Variants in HNF4A observed in about 807,000 individuals in gnomAD.
HNF4A encodes the protein hepatocyte nuclear factor 4 alpha, also known as hepatocyte nuclear factor 4-alpha.
HNF4A carries 15 observed loss-of-function variants against 52.4 expected under a neutral mutation model. The observed-to-expected ratio is 0.29, with a 90% CI of 0.19 to 0.44. HNF4A has a LOEUF of 0.44. Ranked by LOEUF, HNF4A falls within the 20% of genes least tolerant of loss-of-function variation. The pLI is 1.00. For synonymous variants in HNF4A, 280 were observed against 264.4 expected, an observed-to-expected ratio of 1.06 and a Z score of -0.57; for missense variants, 479 against 647.2, an observed-to-expected ratio of 0.74 and a Z score of 2.82.
At chr20:44,363,257 T>C (rs1007440930) in intron 1 of HNF4A, among the ~76,000 whole-genome samples, 4 of 152,140 alleles carry the variant, frequency 2.6e-5, no homozygotes, top group African/African-American at 7.2e-5. Context: ...TCAATATTTG[T>C]AAAGTGCTGA....
In HNF4A at chr20:44,406,159, G is replaced by A; in HGVS notation, c.217G>A (p.Gly73Ser). 1.2e-6 allele frequency: 2 copies of A among 1,613,976 alleles called. No individual in the cohort carries two copies. Among genetic ancestry groups the A allele is most frequent in the East Asian group, 2.2e-5 (1 of 44,866 alleles). Residue 73 changes from glycine to serine, a missense_variant, in exon 2 of 10, where the codon GGT (glycine) becomes AGT (serine). By Grantham distance (56) the Gly-to-Ser change is moderately conservative (BLOSUM62 0). Around this residue, in one of 3 missense-constraint regions of HNF4A, gnomAD observed 90 missense variants for 105.5 expected, o/e 0.85. Coordinates refer to ENST00000316099, the MANE Select transcript of HNF4A (RefSeq NM_000457.6). ...GGACCGGGCCACGGGCAAACACTAC[G>A]GTGCCTCGAGCTGTGACGGCTGCAA...
rs2062849702 is a variant in HNF4A at position 44,355,738 on chromosome 20, G to A, written c.-67G>A. On this transcript the variant is annotated 5_prime_UTR_variant, in exon 1 of 10. The change creates a new upstream start codon in the 5' untranslated region. Coordinates refer to the HNF4A transcript ENST00000316673. ...CCTGGTGGACGGGCTCCTGGTGGCT[G>A]TGCTGCTGCTGTGAGCGGGCCCCTG... 6.9e-7 allele frequency: 1 copy of A among 1,448,216 alleles called. No individual in the cohort carries two copies. The highest frequency in any genetic ancestry group is 1.1e-5 in the South Asian group (1 of 87,618). 89.7% of individuals were successfully genotyped at this position (1,448,216 alleles called of 1,614,324 possible).
At chr20:44,387,617 C>T (rs1344019351) in intron 1 of HNF4A, among the ~76,000 whole-genome samples, 2 of 130,880 alleles carry the variant, frequency 1.5e-5, no homozygotes, top group African/African-American at 5.8e-5. Context: ...GGTAGGGAAG[C>T]CACAGGAGAA....
intron 1 of HNF4A, among the ~76,000 whole-genome samples, chr20:44,365,872 T>A (rs1285518609): frequency 6.6e-6 from 1 of 152,066 alleles, no homozygotes; most frequent in Non-Finnish European, 1.5e-5. Context: ...CTGGGCCTGG[T>A]GGTACACGCC....
intron 5 of HNF4A, among the ~76,000 whole-genome samples, chr20:44,416,555 A>G (rs1044975265): frequency 6.6e-6 from 1 of 152,150 alleles, no homozygotes; most frequent in South Asian, 2.1e-4. Context: ...CTCCCTCCAT[A>G]CTGGTCATGG....
Position 44,376,190 on chromosome 20 carries a change from G to A in HNF4A, c.49+20337G>A, listed in dbSNP as rs986391405. ...TGAGGCAGGAGAATTGCTTCAACCC[G>A]GGAGGCAGAGGTTGCAGTGAGCCGA... On this transcript the variant is annotated intron_variant, in intron 1 of 9. Coordinates refer to the HNF4A transcript ENST00000316673. 1.7e-4 allele frequency among the ~76,000 whole-genome samples: 26 copies of A among 152,254 alleles called. 1 individual carries two copies. In the East Asian group the frequency reaches 3.1e-3, roughly 18 times the overall value.
At chr20:44,377,090 AAGTACTATAC>A (rs1195583920) in intron 1 of HNF4A, among the ~76,000 whole-genome samples, 1 of 152,184 alleles carries the variant, frequency 6.6e-6, no homozygotes, top group Non-Finnish European at 1.5e-5. Flanking sequence ...TGTATCCATG[AAGTACTATAC>A]AGTCATAAAA....
upstream of HNF4A, among the ~76,000 whole-genome samples, chr20:44,398,574 T>G (rs2063374215): frequency 6.6e-6 from 1 of 152,228 alleles, no homozygotes; most frequent in South Asian, 2.1e-4. Flanking sequence ...TGTAATAGAT[T>G]ATGCAATTTA....
chr20:44,383,158 C>T (rs1311201799), intron 1 of HNF4A, among the ~76,000 whole-genome samples: 1 of 151,976 alleles, frequency 6.6e-6, no homozygotes, highest in Non-Finnish European at 1.5e-5. Context: ...TGACAGAGAC[C>T]CTGTCTCAAA....
intron 1 of HNF4A, among the ~76,000 whole-genome samples, chr20:44,382,289 A>C (rs1250179494): frequency 1.3e-5 from 2 of 150,042 alleles, no homozygotes; most frequent in Non-Finnish European, 3.0e-5. Flanking sequence ...GCCGGGCTAG[A>C]GTGCGGTGGC....
intron 9 of HNF4A, 145 bp from the exon 10 acceptor site, chr20:44,429,378 T>A: frequency 1.1e-6 from 1 of 879,966 alleles, no homozygotes; most frequent in African/African-American, 1.7e-5. Flanking sequence ...GATTATCTGG[T>A]TTAATTAATT....
At chr20:44,414,461 G>A in intron 4 of HNF4A, 46 bp from the exon 5 acceptor site, 1 of 1,613,938 alleles carries the variant, frequency 6.2e-7, no homozygotes, top group Non-Finnish European at 8.5e-7. Flanking sequence ...GAGAGTGCGG[G>A]AGGGCCCGGA....
At chr20:44,375,313 G>T (rs933613452) in intron 1 of HNF4A, among the ~76,000 whole-genome samples, 1 of 152,056 alleles carries the variant, frequency 6.6e-6, no homozygotes, top group African/African-American at 2.4e-5. Flanking sequence ...GTAGACCTTT[G>T]TTGGATTCAG....
intron 1 of HNF4A, among the ~76,000 whole-genome samples, chr20:44,369,247 C>A: frequency 3.0e-5 from 1 of 33,616 alleles, no homozygotes; most frequent in African/African-American, 1.2e-4. Context: ...AAAACTCCAT[C>A]TCAAAAAAAA....
At chr20:44,357,926 C>T (rs1357812499) in intron 1 of HNF4A, among the ~76,000 whole-genome samples, 3 of 151,262 alleles carry the variant, frequency 2.0e-5, no homozygotes, top group African/African-American at 7.3e-5. Context: ...TGCTCTAGGC[C>T]ACAGATATGG....
intron 1 of HNF4A, among the ~76,000 whole-genome samples, chr20:44,402,207 G>C (rs1473952526): frequency 2.0e-5 from 3 of 152,070 alleles, no homozygotes; most frequent in Non-Finnish European, 2.9e-5. Flanking sequence ...TTGTGTCTTA[G>C]GAGTTGCCCG....
chr20:44,394,123 G>A (rs1232579763), intron 1 of HNF4A, among the ~76,000 whole-genome samples: 1 of 152,184 alleles, frequency 6.6e-6, no homozygotes, highest in African/African-American at 2.4e-5. Flanking sequence ...GTCTTCCAAT[G>A]GCTCTCAGGC....
intron 1 of HNF4A, among the ~76,000 whole-genome samples, chr20:44,383,865 T>C (rs1445421515): frequency 9.3e-5 from 14 of 151,246 alleles, no homozygotes. Flanking sequence ...CCATTTTTTT[T>C]TTAAGACGGA....
At chr20:44,386,425 C>A (rs567616019) in intron 1 of HNF4A, among the ~76,000 whole-genome samples, 11 of 152,168 alleles carry the variant, frequency 7.2e-5, no homozygotes, top group Non-Finnish European at 1.3e-4. Flanking sequence ...CCTCAGCCTC[C>A]CGAAGTGCTG....
Sources: gnomAD v4.1 joint callset for allele counts (sites outside exome capture counted in the v4.1 genomes callset) on GRCh38, gnomAD v4.1.1 for gene constraint, gnomAD v4.1.1 regional missense constraint, MANE v1.5 for transcripts, NCBI Gene and HGNC (gene_info 2026-07-23, HGNC 2026-07-21) for gene names.